NEGR1: variants seen among roughly 807,000 people sequenced by gnomAD.
NEGR1 encodes the protein IgLON family member 4.
A neutral mutation model predicts 40.9 loss-of-function variants in NEGR1; 10 were observed. That is an observed-to-expected ratio of 0.24 (90% CI 0.15 to 0.42). The LOEUF (loss-of-function observed/expected upper bound fraction) is 0.42, where lower values mean the gene tolerates loss of function less well. Ranked by LOEUF, NEGR1 falls within the 10% of genes least tolerant of loss-of-function variation. NEGR1 has a pLI of 1.00. For missense variants in NEGR1, 352 were observed against 438.9 expected (o/e 0.80, Z 1.77); for synonymous variants, 185 against 166.8 (o/e 1.11, Z -0.84).
intron 1 of NEGR1, among the ~76,000 whole-genome samples, chr1:72,259,549 T>A (rs77642121): frequency 6.6e-6 from 1 of 152,046 alleles, no homozygotes; most frequent in Non-Finnish European, 1.5e-5. Flanking sequence ...AAAAGCTACA[T>A]CTCAAAATCA....
At chr1:71,832,999 G>C (rs1267463956) in intron 2 of NEGR1, among the ~76,000 whole-genome samples, 1 of 151,988 alleles carries the variant, frequency 6.6e-6, no homozygotes, top group Non-Finnish European at 1.5e-5. Flanking sequence ...ATGTCCTGAA[G>C]TAGCACTGAT....
chr1:72,030,565 G>A (rs1011133378), intron 1 of NEGR1, among the ~76,000 whole-genome samples: 16 of 152,134 alleles, frequency 1.1e-4, no homozygotes, highest in African/African-American at 3.9e-4. Context: ...TATTCATAAA[G>A]TAATCCTATC....
intron 1 of NEGR1, among the ~76,000 whole-genome samples, chr1:71,945,693 C>T (rs891180140): frequency 1.1e-4 from 17 of 152,002 alleles, no homozygotes; most frequent in African/African-American, 4.1e-4. Flanking sequence ...AAAAGTTGTA[C>T]TGGGACTGAA....
At chr1:72,132,987 CT>C (rs942618457) in intron 1 of NEGR1, among the ~76,000 whole-genome samples, 4 of 151,942 alleles carry the variant, frequency 2.6e-5, no homozygotes, top group Non-Finnish European at 5.9e-5. Flanking sequence ...CTTTTAGCTT[CT>C]TTTTTTCTGA....
intron 6 of NEGR1, among the ~76,000 whole-genome samples, chr1:71,544,822 C>T (rs1647834246): frequency 6.6e-6 from 1 of 151,554 alleles, no homozygotes; most frequent in South Asian, 2.1e-4. Flanking sequence ...ACAGCAGGTC[C>T]AGTGGAAAGA....
At chr1:72,005,186 A>G (rs1280123905) in intron 1 of NEGR1, among the ~76,000 whole-genome samples, 1 of 152,066 alleles carries the variant, frequency 6.6e-6, no homozygotes, top group Admixed American at 6.6e-5. Context: ...TATTATGTTT[A>G]TTTTTGGCTA....
chr1:71,501,780 A>T (rs938442415), intron 6 of NEGR1, among the ~76,000 whole-genome samples: 1 of 152,232 alleles, frequency 6.6e-6, no homozygotes, highest in Admixed American at 6.5e-5. Flanking sequence ...AATAAAAAAT[A>T]TGTAAAGCTC....
intron 1 of NEGR1, among the ~76,000 whole-genome samples, chr1:72,172,106 G>A (rs998818288): frequency 6.6e-6 from 1 of 152,128 alleles, no homozygotes; most frequent in Non-Finnish European, 1.5e-5. Flanking sequence ...GTGGAAGGAT[G>A]GAGAGGTCCA....
chr1:71,831,553 A>T (rs1265262809), intron 2 of NEGR1, among the ~76,000 whole-genome samples: 1 of 151,944 alleles, frequency 6.6e-6, no homozygotes, highest in Non-Finnish European at 1.5e-5. Flanking sequence ...GGGTTATAAG[A>T]TCGGGCATGA....
intron 3 of NEGR1, among the ~76,000 whole-genome samples, chr1:71,714,603 G>A (rs559064558): frequency 9.7e-4 from 148 of 152,264 alleles, no homozygotes; most frequent in African/African-American, 3.3e-3. Flanking sequence ...GGAGAAATTG[G>A]CCAAAACAAA....
In NEGR1 at chr1:71,885,917, A is replaced by G. The variant is rs544707907; in HGVS notation, c.409+49162T>C. Among the ~76,000 whole-genome samples the G allele has an allele frequency of 1.6e-4, 24 of 152,308 alleles. No homozygotes were observed. The South Asian group carries it at 5.0e-3, about 32-fold the overall frequency. ...GTTTTCCCAAAAATATCTTTATACT[A>G]TAAATTGAGTAATATATAGAAATGC... On this transcript the variant is annotated intron_variant, in intron 2 of 6. Coordinates refer to ENST00000357731, the MANE Select transcript of NEGR1 (RefSeq NM_173808.3).
intron 1 of NEGR1, among the ~76,000 whole-genome samples, chr1:72,066,847 C>G (rs1265291205): frequency 6.6e-6 from 1 of 152,014 alleles, no homozygotes; most frequent in African/African-American, 2.4e-5. Context: ...AAGACACTGA[C>G]CGAGTCAAAA....
At chr1:71,851,617 G>C (rs1659604165) in intron 2 of NEGR1, among the ~76,000 whole-genome samples, 1 of 152,072 alleles carries the variant, frequency 6.6e-6, no homozygotes, top group Non-Finnish European at 1.5e-5. Flanking sequence ...TGCAAGGTTA[G>C]ACAAGAAAAA....
chr1:71,681,882 A>G (rs1375588546), intron 4 of NEGR1, among the ~76,000 whole-genome samples: 3 of 152,144 alleles, frequency 2.0e-5, no homozygotes, highest in African/African-American at 4.8e-5. Flanking sequence ...GTTGGTGTGC[A>G]GTGGTGTGAT....
At chr1:71,964,004 G>T (rs1019773275) in intron 1 of NEGR1, among the ~76,000 whole-genome samples, 1 of 152,088 alleles carries the variant, frequency 6.6e-6, no homozygotes, top group African/African-American at 2.4e-5. Flanking sequence ...AAAATGATGA[G>T]GGGTGGTGTT....
intron 1 of NEGR1, among the ~76,000 whole-genome samples, chr1:72,119,692 G>T (rs1210332375): frequency 6.6e-6 from 1 of 151,918 alleles, no homozygotes; most frequent in South Asian, 2.1e-4. Flanking sequence ...GATATTTTTA[G>T]TTGCCACAGC....
chr1:72,074,952 T>C (rs1019341229), intron 1 of NEGR1, among the ~76,000 whole-genome samples: 2 of 152,118 alleles, frequency 1.3e-5, no homozygotes, highest in African/African-American at 4.8e-5. Flanking sequence ...GTTCACATAG[T>C]ACATATTTTA....
rs184774621 is a variant in NEGR1, at chr1:71,439,975, G to C, written c.941-32405C>G. 4.6e-5 allele frequency: 7 copies of C among 151,898 alleles called. No individual in the cohort carries two copies. The South Asian group carries it at 8.3e-4, about 18-fold the overall frequency. The allele number at this position is 151,898 out of a possible 1,614,324, so 9.4% of individuals were successfully genotyped here. A position where few individuals can be genotyped will look rare whatever the true frequency, so the allele number is the denominator to read the frequency against. On this transcript the variant is annotated intron_variant, in intron 6 of 6. Coordinates refer to ENST00000357731, the MANE Select transcript of NEGR1 (RefSeq NM_173808.3). ...CTTAGCACTTGTGTTCATTTCTTAA[G>C]GAACATAGTACTTCCTGCATAATTT...
chr1:71,464,426 A>C (rs886078111), intron 6 of NEGR1, among the ~76,000 whole-genome samples: 1 of 152,000 alleles, frequency 6.6e-6, no homozygotes, highest in Non-Finnish European at 1.5e-5. Context: ...GACAGTTATG[A>C]GAAAGATAAA....
Sources: gnomAD v4.1 joint callset for allele counts (sites outside exome capture counted in the v4.1 genomes callset) on GRCh38, gnomAD v4.1.1 for gene constraint, MANE v1.5 for transcripts, NCBI Gene and HGNC (gene_info 2026-07-23, HGNC 2026-07-21) for gene names.